Variants in ELF5 observed in about 807,000 individuals in gnomAD.
The protein encoded by ELF5 is E74 like ETS transcription factor 5.
Under a neutral mutation model 38.2 loss-of-function variants are expected in ELF5, and 31 were observed. The observed-to-expected ratio is 0.81, with a 90% CI of 0.61 to 1.10. ELF5 has a LOEUF of 1.10. Ranked by LOEUF, ELF5 falls within the 50% of genes least tolerant of loss-of-function variation. The pLI, the probability that ELF5 is intolerant of heterozygous loss-of-function variation, is 0.00. For missense variants in ELF5, 300 were observed against 306.6 expected (o/e 0.98, Z 0.16); for synonymous variants, 121 against 112.5 (o/e 1.08, Z -0.48).
At chr11:34,482,756 T>A (rs1418275984) in intron 4 of ELF5, among the ~76,000 whole-genome samples, 1 of 152,030 alleles carries the variant, frequency 6.6e-6, no homozygotes, top group African/African-American at 2.4e-5. Flanking sequence ...TGCAGGGCCT[T>A]CCTAGGAGGC....
At chr11:34,489,378 T>C (rs1190844940) in intron 4 of ELF5, among the ~76,000 whole-genome samples, 1 of 152,158 alleles carries the variant, frequency 6.6e-6, no homozygotes, top group Non-Finnish European at 1.5e-5. Context: ...CATGGGGGAA[T>C]GGGGTTTGCC....
At chr11:34,498,739 C>T (rs141863772) in intron 2 of ELF5, among the ~76,000 whole-genome samples, 243 of 152,230 alleles carry the variant, frequency 1.6e-3, no homozygotes, top group Admixed American at 2.4e-3. Context: ...ATTAATCCCC[C>T]ACTTCCTTCT....
rs1288054977 is a variant in ELF5, at chr11:34,509,618, G to A, written c.-4-3865C>T. ...GGCTGGTTTTATATCCTGAGTGAGG[G>A]GGGCAGGGAGGGGGTAGGATGCTGA... On this transcript the variant is annotated intron_variant, in intron 1 of 6. Coordinates refer to ENST00000257832, the MANE Select transcript of ELF5 (RefSeq NM_001422.4). Among the ~76,000 whole-genome samples, 3 of 151,976 alleles carry A rather than the reference G, an allele frequency of 2.0e-5. No homozygotes were observed. In the East Asian group the frequency reaches 5.8e-4, roughly 29 times the overall value.
At chr11:34,480,656 C>G in intron 6 of ELF5, 116 bp downstream of exon 6, 1 of 1,196,990 alleles carries the variant, frequency 8.4e-7, no homozygotes, top group Non-Finnish European at 1.2e-6. Context: ...AAAGTTTTGT[C>G]TCATGACCTT....
chr11:34,494,668 G>A (rs1850272859), intron 2 of ELF5, among the ~76,000 whole-genome samples: 1 of 152,212 alleles, frequency 6.6e-6, no homozygotes, highest in Admixed American at 6.5e-5. Context: ...AGGAGAAATG[G>A]AAAGTGGGGT....
chr11:34,495,214 C>T (rs1257178909), intron 2 of ELF5, among the ~76,000 whole-genome samples: 3 of 152,182 alleles, frequency 2.0e-5, no homozygotes, highest in African/African-American at 7.2e-5. Flanking sequence ...GGAGAGAACA[C>T]AACACGAGGG....
chr11:34,499,627 A>G (rs1850407031), intron 2 of ELF5, among the ~76,000 whole-genome samples: 1 of 152,244 alleles, frequency 6.6e-6, no homozygotes. Context: ...TAGAGCTTTC[A>G]GTTATGTCCC....
intron 2 of ELF5, among the ~76,000 whole-genome samples, chr11:34,501,458 AAAG>A (rs1850465994): frequency 6.6e-6 from 1 of 152,190 alleles, no homozygotes; most frequent in Non-Finnish European, 1.5e-5. Flanking sequence ...AGAATTCCAG[AAAG>A]AAAGTAGTGG....
intron 2 of ELF5, among the ~76,000 whole-genome samples, chr11:34,504,550 C>T (rs2133898999): frequency 6.6e-6 from 1 of 152,358 alleles, no homozygotes; most frequent in South Asian, 2.1e-4. Context: ...GGACTTTTTG[C>T]AGTCCCTGGA....
intron 4 of ELF5, among the ~76,000 whole-genome samples, chr11:34,482,994 A>G (rs986670763): frequency 2.0e-5 from 3 of 152,014 alleles, no homozygotes; most frequent in African/African-American, 7.3e-5. Flanking sequence ...TTGCCAGAGT[A>G]GTATATGAGT....
At chr11:34,504,075 C>T (rs2133898305) in intron 2 of ELF5, among the ~76,000 whole-genome samples, 1 of 152,220 alleles carries the variant, frequency 6.6e-6, no homozygotes, top group South Asian at 2.1e-4. Flanking sequence ...GCAGAATAGG[C>T]AGAAAGAGGG....
chr11:34,509,675 G>A (rs1046631041), intron 1 of ELF5, among the ~76,000 whole-genome samples: 3 of 152,100 alleles, frequency 2.0e-5, no homozygotes, highest in Non-Finnish European at 2.9e-5. Flanking sequence ...AGGAAGGGAA[G>A]GGCCTCAGGA....
chr11:34,494,630 T>G (rs2133886969), intron 2 of ELF5, among the ~76,000 whole-genome samples: 1 of 152,252 alleles, frequency 6.6e-6, no homozygotes, highest in South Asian at 2.1e-4. Flanking sequence ...AGAGATTTGG[T>G]GTTCAACAGT....
chr11:34,503,945 C>T (rs541504704), intron 2 of ELF5, among the ~76,000 whole-genome samples: 1 of 152,198 alleles, frequency 6.6e-6, no homozygotes, highest in African/African-American at 2.4e-5. Context: ...CAGAGCCAGA[C>T]TTCCCATTTG....
chr11:34,479,790 C>A lies in ELF5; in HGVS notation c.*428G>T, dbSNP rs1252911510. The A allele has an allele frequency of 1.2e-5, 2 of 160,270 alleles. No individual in the cohort carries two copies. The highest frequency in any genetic ancestry group is 1.4e-5 in the Non-Finnish European group (1 of 73,372). The allele number at this position is 160,270 out of a possible 1,614,324, so 9.9% of individuals were successfully genotyped here. On this transcript the variant is annotated 3_prime_UTR_variant, in exon 7 of 7. Coordinates refer to ENST00000257832, the MANE Select transcript of ELF5 (RefSeq NM_001422.4). Reference sequence around the variant, plus strand: ...TCTCACCCTCTCCTACCATAACCTGCAAACTAATCATGCTTTCCCCCACCT... The same window carrying A: ...TCTCACCCTCTCCTACCATAACCTGAAAACTAATCATGCTTTCCCCCACCT...
intron 5 of ELF5, among the ~76,000 whole-genome samples, chr11:34,481,373 G>A (rs1278642202): frequency 1.3e-5 from 2 of 152,098 alleles, no homozygotes; most frequent in African/African-American, 2.4e-5. Flanking sequence ...ACTAGGTCAT[G>A]AGAATTGCTG....
At chr11:34,511,680 G>A in intron 1 of ELF5, 1 of 1,368,380 alleles carries the variant, frequency 7.3e-7, no homozygotes. Context: ...ACAGGCCTGT[G>A]GGCTTCTCAG....
rs1395088979 is a variant in ELF5, at chr11:34,482,415, G to C, written c.475+16C>G. 3.1e-6 allele frequency: 5 copies of C among 1,609,724 alleles called. No homozygotes were observed. Among genetic ancestry groups the C allele is most frequent in the Non-Finnish European group, 4.2e-6 (5 of 1,176,932 alleles). On this transcript the variant is annotated intron_variant, in intron 5 of 6. Transcript: ENST00000257832. ...GTTTTAAGAAATTAGAATGAAAACT[G>C]GCATCCTGCACTTACTTGTTCTACT...
At chr11:34,493,785 TCA>T in intron 2 of ELF5, 73 bp from the exon 3 acceptor site, 1 of 1,316,850 alleles carries the variant, frequency 7.6e-7, no homozygotes, top group Non-Finnish European at 1.1e-6. Flanking sequence ...GAAGGATGCA[TCA>T]GTTAAGTAAC....
Sources: gnomAD v4.1 joint callset for allele counts (sites outside exome capture counted in the v4.1 genomes callset) on GRCh38, gnomAD v4.1.1 for gene constraint, MANE v1.5 for transcripts, NCBI Gene and HGNC (gene_info 2026-07-23, HGNC 2026-07-21) for gene names.